SOX5: variants seen among roughly 807,000 people sequenced by gnomAD.
The protein encoded by SOX5 is SRY-box transcription factor 5.
In SOX5, 9 loss-of-function variants were observed where a neutral mutation model predicts 92.0. The ratio of observed to expected loss-of-function variants is 0.10; its 90% CI spans 0.06 to 0.17. The LOEUF is 0.17. Ranked by LOEUF, SOX5 falls within the 10% of genes least tolerant of loss-of-function variation. The pLI is 1.00. For synonymous variants in SOX5, 344 were observed against 336.3 expected (o/e 1.02, Z -0.25); for missense variants, 642 against 944.5 (o/e 0.68, Z 4.20).
At chr12:23,964,478 C>T (rs1446930105) in intron 4 of SOX5, among the ~76,000 whole-genome samples, 1 of 152,078 alleles carries the variant, frequency 6.6e-6, no homozygotes, top group African/African-American at 2.4e-5. Flanking sequence ...AGCATAGTGG[C>T]ATCAATATAG....
At chr12:23,954,517 C>T (rs1389347823), upstream of SOX5, among the ~76,000 whole-genome samples, 1 of 151,948 alleles carries the variant, frequency 6.6e-6, no homozygotes, top group Non-Finnish European at 1.5e-5. Context: ...GTGAGTCATT[C>T]ACCAGATGCC....
At chr12:24,138,657 T>C (rs1950307955) in intron 4 of SOX5, among the ~76,000 whole-genome samples, 1 of 152,242 alleles carries the variant, frequency 6.6e-6, no homozygotes, top group African/African-American at 2.4e-5. Flanking sequence ...TTTTTCATTT[T>C]AAGCATATTT....
chr12:23,546,464 A>C, intron 11 of SOX5, 40 bp from the exon 12 acceptor site: 3 of 1,154,632 alleles, frequency 2.6e-6, no homozygotes, highest in Non-Finnish European at 3.8e-6. Flanking sequence ...CTAGGAATTA[A>C]AATTATTTGA....
chr12:24,264,407 CAG>C (rs1214245239), intron 3 of SOX5, among the ~76,000 whole-genome samples: 1 of 152,046 alleles, frequency 6.6e-6, no homozygotes, highest in Non-Finnish European at 1.5e-5. Flanking sequence ...ATTTTGATAT[CAG>C]TATGAAGTTT....
chr12:24,057,191 G>A (rs547374093), intron 4 of SOX5, among the ~76,000 whole-genome samples: 3 of 151,648 alleles, frequency 2.0e-5, no homozygotes, highest in Non-Finnish European at 4.4e-5. Flanking sequence ...ATGGTCTGAA[G>A]ACAAAGAAAA....
chr12:23,795,019 T>A (rs1472557476), intron 3 of SOX5, among the ~76,000 whole-genome samples: 2 of 152,156 alleles, frequency 1.3e-5, no homozygotes. Flanking sequence ...TAAACTGGAA[T>A]AACATCCAGT....
intron 4 of SOX5, among the ~76,000 whole-genome samples, chr12:24,097,187 A>T (rs1488990443): frequency 6.6e-6 from 1 of 152,008 alleles, no homozygotes. Flanking sequence ...GTATTTGGAG[A>T]AATGTTTATT....
At chr12:23,880,976 T>G (rs1319977859) in intron 2 of SOX5, among the ~76,000 whole-genome samples, 1 of 152,178 alleles carries the variant, frequency 6.6e-6, no homozygotes, top group African/African-American at 2.4e-5. Flanking sequence ...CTATCTATTG[T>G]CTCCTTGATT....
chr12:24,412,209 G>C (rs1414692859), intron 1 of SOX5, among the ~76,000 whole-genome samples: 1 of 152,058 alleles, frequency 6.6e-6, no homozygotes, highest in Non-Finnish European at 1.5e-5. Flanking sequence ...AGTCTTACTA[G>C]AAATTTGTCA....
rs145085502 is a variant in SOX5 at position 24,371,431 on chromosome 12, T to C, written c.-250-2792A>G. On this transcript the variant is annotated intron_variant, in intron 1 of 4. Transcript: ENST00000446891. ...GAACATAAAACCTAACCAGGCTGTG[T>C]TGGATTTCTGACCTTCAGACCTGTG... Among the ~76,000 whole-genome samples the C allele has an allele frequency of 3.5e-3, 533 of 152,328 alleles. 3 individuals are homozygous for C. The highest frequency in any genetic ancestry group is 0.011 in the African/African-American group (459 of 41,576).
At chr12:24,291,694 T>C (rs1946640431) in intron 2 of SOX5, among the ~76,000 whole-genome samples, 1 of 152,244 alleles carries the variant, frequency 6.6e-6, no homozygotes, top group Non-Finnish European at 1.5e-5. Context: ...TAATACAGTA[T>C]GGCTCAGTAT....
chr12:24,014,176 T>C (rs1266107905), intron 4 of SOX5, among the ~76,000 whole-genome samples: 1 of 152,188 alleles, frequency 6.6e-6, no homozygotes, highest in Non-Finnish European at 1.5e-5. Context: ...CATTTTAAAA[T>C]AAGCTAGTTG....
intron 9 of SOX5, among the ~76,000 whole-genome samples, chr12:23,603,492 G>T (rs2074834603): frequency 7.3e-6 from 1 of 136,686 alleles, no homozygotes; most frequent in Admixed American, 7.5e-5. Context: ...AACTGCGTCA[G>T]CTTTCTACTT....
intron 8 of SOX5, among the ~76,000 whole-genome samples, chr12:23,619,237 A>G (rs2076910842): frequency 6.6e-6 from 1 of 152,172 alleles, no homozygotes; most frequent in Admixed American, 6.6e-5. Context: ...ATGCTAAATA[A>G]AACTACATTT....
At chr12:23,974,986 A>AT (rs1310434843) in intron 4 of SOX5, among the ~76,000 whole-genome samples, 3 of 152,152 alleles carry the variant, frequency 2.0e-5, no homozygotes, top group Non-Finnish European at 2.9e-5. Flanking sequence ...CTGAAAGTAA[A>AT]TAACTTCTAT....
rs755297324 is a variant in SOX5, at chr12:24,007,140, A to AAT, written c.-1-111118_-1-111117dup. Among the ~76,000 whole-genome samples, 14 of 39,480 alleles carry AAT rather than the reference A, an allele frequency of 3.5e-4. 1 individual carries two copies. The highest frequency in any genetic ancestry group is 9.3e-4 in the African/African-American group (12 of 12,858). The allele number at this position is 39,480 out of a possible 152,430, so 25.9% of individuals were successfully genotyped here. A position where few individuals can be genotyped will look rare whatever the true frequency, so the allele number is the denominator to read the frequency against. ...AGAGCGAGACTCCATCTCAAAAAAAAATATATATATATATATATATACATT... is the reference window on the plus strand; with the variant it reads ...AGAGCGAGACTCCATCTCAAAAAAAAATATATATATATATATATATATACATT... On this transcript the variant is annotated intron_variant, in intron 4 of 4. Transcript: ENST00000446891.
intron 4 of SOX5, among the ~76,000 whole-genome samples, chr12:24,184,598 C>T (rs1197755376): frequency 6.6e-6 from 1 of 152,108 alleles, no homozygotes; most frequent in Non-Finnish European, 1.5e-5. Context: ...CTAATAACCT[C>T]ACTATTTCTG....
At chr12:24,163,146 G>T (rs764318715) in intron 4 of SOX5, among the ~76,000 whole-genome samples, 3 of 152,076 alleles carry the variant, frequency 2.0e-5, no homozygotes, top group Non-Finnish European at 2.9e-5. Flanking sequence ...GTCCTGGAAG[G>T]CTTTTTAAAT....
intron 3 of SOX5, among the ~76,000 whole-genome samples, chr12:23,841,745 C>T (rs2096519154): frequency 6.6e-6 from 1 of 151,988 alleles, no homozygotes; most frequent in African/African-American, 2.4e-5. Context: ...AAAGGGAAAA[C>T]TATACATGGT....
Sources: gnomAD v4.1 joint callset for allele counts (sites outside exome capture counted in the v4.1 genomes callset) on GRCh38, gnomAD v4.1.1 for gene constraint, MANE v1.5 for transcripts, NCBI Gene and HGNC (gene_info 2026-07-23, HGNC 2026-07-21) for gene names.